The following PRIM2 variants were observed in gnomAD, a reference collection of about 807,000 sequenced individuals.
PRIM2 encodes the protein DNA primase large subunit.
PRIM2 carries 39 observed loss-of-function variants against 67.3 expected under a neutral mutation model. The observed-to-expected ratio is 0.58, with a 90% CI of 0.45 to 0.76. The LOEUF (loss-of-function observed/expected upper bound fraction) is 0.76, where lower values mean the gene tolerates loss of function less well. PRIM2 is among the 30% of genes least tolerant of loss of function. PRIM2 has a pLI of 0.00. For missense variants in PRIM2, 398 were observed against 598.7 expected, an observed-to-expected ratio of 0.66 and a Z score of 3.50; for synonymous variants, 143 against 198.7, an observed-to-expected ratio of 0.72 and a Z score of 2.36.
chr6:57,644,075 T>C (rs1452431341), intron 13 of PRIM2, among the ~76,000 whole-genome samples: 1 of 152,176 alleles, frequency 6.6e-6, no homozygotes, highest in Non-Finnish European at 1.5e-5. Flanking sequence ...CACGTCTCTT[T>C]TTAAGGGTTT....
intron 10 of PRIM2, among the ~76,000 whole-genome samples, chr6:57,570,646 A>G (rs1447967860): frequency 6.6e-6 from 1 of 152,182 alleles, no homozygotes; most frequent in Non-Finnish European, 1.5e-5. Context: ...AAGCAGCAAT[A>G]ATATAGGTAA....
At chr6:57,401,781 G>C (rs1770716859) in intron 7 of PRIM2, among the ~76,000 whole-genome samples, 2 of 152,184 alleles carry the variant, frequency 1.3e-5, no homozygotes, top group Admixed American at 6.5e-5. Flanking sequence ...CCCCAGCCAG[G>C]GGTTCTCTGT....
chr6:57,486,648 C>G (rs1358221642), intron 7 of PRIM2, among the ~76,000 whole-genome samples: 1 of 152,212 alleles, frequency 6.6e-6, no homozygotes, highest in Non-Finnish European at 1.5e-5. Context: ...ATGGCATGTT[C>G]AACTCCCCCA....
intron 7 of PRIM2, chr6:57,493,885 T>C (rs1438887669): frequency 3.3e-5 from 5 of 152,186 alleles, no homozygotes; most frequent in Non-Finnish European, 5.9e-5. Flanking sequence ...ACGTCAAGTA[T>C]AAAGGATGGC....
intron 5 of PRIM2, among the ~76,000 whole-genome samples, chr6:57,337,795 G>A (rs1768312312): frequency 6.6e-6 from 1 of 151,488 alleles, no homozygotes. Flanking sequence ...ATCACAATTA[G>A]GATTAGAAAA....
intron 11 of PRIM2, among the ~76,000 whole-genome samples, chr6:57,605,309 C>T (rs2127492633): frequency 6.6e-6 from 1 of 152,166 alleles, no homozygotes; most frequent in South Asian, 2.1e-4. Flanking sequence ...TGGGGGGAGT[C>T]CCCCCTCCTC....
intron 7 of PRIM2, among the ~76,000 whole-genome samples, chr6:57,438,126 A>T (rs1240540296): frequency 9.9e-5 from 15 of 152,224 alleles, no homozygotes; most frequent in Admixed American, 9.8e-4. Context: ...TGTTTAAAAG[A>T]ATCAACTAAA....
chr6:57,590,916 GAAGTT>G (rs1365734596), intron 10 of PRIM2, among the ~76,000 whole-genome samples: 1 of 152,194 alleles, frequency 6.6e-6, no homozygotes, highest in African/African-American at 2.4e-5. Context: ...TTGTTGCAAA[GAAGTT>G]AAGTAAACTG....
At chr6:57,528,832 G>C (rs1392176048) in intron 8 of PRIM2, among the ~76,000 whole-genome samples, 35 of 152,306 alleles carry the variant, frequency 2.3e-4, no homozygotes, top group African/African-American at 7.7e-4. Context: ...GACTGCAATT[G>C]CTGTTTGTGC....
intron 10 of PRIM2, among the ~76,000 whole-genome samples, chr6:57,565,902 C>T (rs1311241264): frequency 4.6e-5 from 7 of 152,144 alleles, no homozygotes; most frequent in Non-Finnish European, 8.8e-5. Context: ...GATCATGTTC[C>T]GATTTCTCCA....
At chr6:57,565,111 A>G (rs1325632233) in intron 10 of PRIM2, among the ~76,000 whole-genome samples, 1 of 152,182 alleles carries the variant, frequency 6.6e-6, no homozygotes, top group Non-Finnish European at 1.5e-5. Flanking sequence ...AGCTACTTTT[A>G]TATACTTTTT....
intron 13 of PRIM2, among the ~76,000 whole-genome samples, chr6:57,639,420 A>T (rs1777185412): frequency 6.6e-6 from 1 of 152,012 alleles, no homozygotes; most frequent in South Asian, 2.1e-4. Context: ...ACTGAAGGAG[A>T]TAGAGACACA....
At chr6:57,600,933 A>T (rs1205863796) in intron 10 of PRIM2, among the ~76,000 whole-genome samples, 160 bp from the exon 11 acceptor site, 1 of 152,186 alleles carries the variant, frequency 6.6e-6, no homozygotes, top group Non-Finnish European at 1.5e-5. Flanking sequence ...ATCATAAAGG[A>T]CCTAAATAAT....
intron 7 of PRIM2, among the ~76,000 whole-genome samples, chr6:57,501,699 A>G (rs1438082132): frequency 3.9e-5 from 6 of 152,238 alleles, no homozygotes; most frequent in African/African-American, 1.4e-4. Flanking sequence ...ACCAGGAGCT[A>G]CAAGTTATTT....
chr6:57,434,209 G>A (rs528366908), intron 7 of PRIM2, among the ~76,000 whole-genome samples: 24 of 146,270 alleles, frequency 1.6e-4, no homozygotes, highest in African/African-American at 6.0e-4. Flanking sequence ...ACAAGTGTGA[G>A]CCACCATGCG....
the PRIM2 span, among the ~76,000 whole-genome samples, chr6:57,281,349 A>T: frequency 6.6e-6 from 1 of 151,950 alleles, no homozygotes; most frequent in Non-Finnish European, 1.5e-5. Context: ...TTCTGTTTTC[A>T]GGTTTTAGTT....
At chr6:57,488,750 G>A (rs2127408715) in intron 7 of PRIM2, among the ~76,000 whole-genome samples, 1 of 152,302 alleles carries the variant, frequency 6.6e-6, no homozygotes, top group African/African-American at 2.4e-5. Flanking sequence ...TACTCACATA[G>A]AGAAGAGGTG....
Position 57,385,686 on chromosome 6 carries a change from C to A in PRIM2, c.693+3518C>A, listed in dbSNP as rs546347617. Among the ~76,000 whole-genome samples, 7 of 152,288 alleles carry A rather than the reference C, an allele frequency of 4.6e-5. No homozygotes were observed. In the East Asian group the frequency reaches 1.4e-3, roughly 29 times the overall value. On this transcript the variant is annotated intron_variant, in intron 7 of 13. Coordinates refer to ENST00000615550, the MANE Select transcript of PRIM2 (RefSeq NM_000947.5). ...TCAGTCTGCAATAGATTCTTAGTTT[C>A]TCTTAGATTTTCATGGACTTTGTTA...
intron 5 of PRIM2, among the ~76,000 whole-genome samples, chr6:57,339,116 GA>G (rs1209405037): frequency 2.6e-5 from 4 of 151,832 alleles, no homozygotes; most frequent in Non-Finnish European, 5.9e-5. Context: ...TTGCTTCAAA[GA>G]GAATAAAATA....
Sources: gnomAD v4.1 joint callset for allele counts (sites outside exome capture counted in the v4.1 genomes callset) on GRCh38, gnomAD v4.1.1 for gene constraint, MANE v1.5 for transcripts, NCBI Gene and HGNC (gene_info 2026-07-23, HGNC 2026-07-21) for gene names.